ELMOD1: variants seen among roughly 807,000 people sequenced by gnomAD.
The protein encoded by ELMOD1 is ELMO domain containing 1.
ELMOD1 carries 21 observed loss-of-function variants against 46.7 expected under a neutral mutation model. The ratio of observed to expected loss-of-function variants is 0.45; its 90% CI spans 0.32 to 0.65. ELMOD1 has a LOEUF of 0.65. Ranked by LOEUF, ELMOD1 falls within the 30% of genes least tolerant of loss-of-function variation. The probability of loss-of-function intolerance (pLI) is 0.04; values close to 1 mark genes in which losing one functional copy is unlikely to be tolerated. For synonymous variants in ELMOD1, 122 were observed against 138.2 expected (o/e 0.88, Z 0.82); for missense variants, 348 against 407.8 (o/e 0.85, Z 1.26).
At chr11:107,626,439 T>C (rs970198184) in intron 2 of ELMOD1, among the ~76,000 whole-genome samples, 1 of 142,166 alleles carries the variant, frequency 7.0e-6, no homozygotes, top group African/African-American at 2.6e-5. Context: ...GTACAATGAA[T>C]CCCAAAATCC....
At chr11:107,596,191 T>A (rs559218770) in intron 1 of ELMOD1, among the ~76,000 whole-genome samples, 4 of 152,184 alleles carry the variant, frequency 2.6e-5, no homozygotes, top group African/African-American at 9.6e-5. Flanking sequence ...TATTTTTTAT[T>A]TTTTTTGTGT....
chr11:107,642,106 G>A (rs1866335308), intron 6 of ELMOD1, among the ~76,000 whole-genome samples: 1 of 151,648 alleles, frequency 6.6e-6, no homozygotes, highest in Admixed American at 6.6e-5. Flanking sequence ...ACCATGCCCG[G>A]CTAATTTTTG....
intron 5 of ELMOD1, among the ~76,000 whole-genome samples, chr11:107,631,930 G>A (rs1866148568): frequency 6.6e-6 from 1 of 152,158 alleles, no homozygotes; most frequent in African/African-American, 2.4e-5. Flanking sequence ...TGAGTGCCCC[G>A]ATAGAGAAAG....
At chr11:107,592,045 C>T (rs759902082) in intron 1 of ELMOD1, 4 of 477,098 alleles carry the variant, frequency 8.4e-6, no homozygotes, top group Admixed American at 6.4e-5. Flanking sequence ...TGACAGCTGA[C>T]GGGGCTGTTA....
chr11:107,607,084 C>G (rs993957318), intron 1 of ELMOD1, among the ~76,000 whole-genome samples: 4 of 152,072 alleles, frequency 2.6e-5, no homozygotes, highest in Admixed American at 2.0e-4. Context: ...TTTACCTCAC[C>G]CAGACAATAG....
At chr11:107,594,129 G>A (rs1249671067) in intron 1 of ELMOD1, among the ~76,000 whole-genome samples, 2 of 152,064 alleles carry the variant, frequency 1.3e-5, no homozygotes, top group Admixed American at 6.5e-5. Context: ...TGTTTATGGT[G>A]GTGGTGGAGG....
rs992274411 is a variant in ELMOD1, at chr11:107,645,273, G to T, written c.421-2195G>T. 8.6e-5 allele frequency among the ~76,000 whole-genome samples: 13 copies of T among 150,884 alleles called. No individual in the cohort carries two copies. In the East Asian group the frequency reaches 2.4e-3, roughly 28 times the overall value. Reference sequence around the variant, plus strand: ...TTTTTAAAATAAACTTTTCCCCAATGACGATCACCTGGTCTCATTTAGTCT... The same window carrying T: ...TTTTTAAAATAAACTTTTCCCCAATTACGATCACCTGGTCTCATTTAGTCT... On this transcript the variant is annotated intron_variant, in intron 6 of 11. Transcript: ENST00000265840.
intron 4 of ELMOD1, among the ~76,000 whole-genome samples, 173 bp from the exon 5 acceptor site, chr11:107,631,407 C>CCG (rs1555065964): frequency 5.9e-5 from 8 of 136,018 alleles, no homozygotes; most frequent in African/African-American, 2.0e-4. Flanking sequence ...ACCCCCCCCC[C>CCG]CATCGTGAAA....
chr11:107,611,704 C>CAAAA (rs71470853), intron 1 of ELMOD1, among the ~76,000 whole-genome samples: 2 of 55,792 alleles, frequency 3.6e-5, no homozygotes, highest in South Asian at 8.3e-4. Context: ...GACTCCATCT[C>CAAAA]AAAAAAAAAA....
intron 2 of ELMOD1, among the ~76,000 whole-genome samples, chr11:107,626,639 CCTCT>C (rs1442068539): frequency 7.0e-6 from 1 of 142,798 alleles, no homozygotes; most frequent in African/African-American, 2.8e-5. Context: ...CTTTTCTTTC[CCTCT>C]CTCTTTCTTT....
intron 2 of ELMOD1, among the ~76,000 whole-genome samples, chr11:107,628,938 G>A (rs886869465): frequency 3.3e-5 from 5 of 151,902 alleles, no homozygotes; most frequent in African/African-American, 1.2e-4. Flanking sequence ...AATGAAAAGT[G>A]GATTATCCCA....
Position 107,618,216 on chromosome 11 carries a change from T to A in ELMOD1, c.17+10T>A. The A allele has an allele frequency of 6.4e-7, 1 of 1,561,192 alleles. No homozygotes were observed. Among genetic ancestry groups the A allele is most frequent in the Non-Finnish European group, 8.7e-7 (1 of 1,151,856 alleles). On this transcript the variant is annotated intron_variant, in intron 2 of 11. Transcript: ENST00000265840. ...TGAAGCACTTCCTGAGGTATGTGTT[T>A]ACGGTTCCCTGGCTGAGCCCTCTGC...
chr11:107,591,650 G>A, intron 1 of ELMOD1: 1 of 363,116 alleles, frequency 2.8e-6, no homozygotes. Flanking sequence ...ATTAACACCC[G>A]AGAGGCTGCA....
rs113514126 is a variant in ELMOD1 at position 107,635,237 on chromosome 11, T to C, written c.291-399T>C. ...ATCCCTAAGAGCCCAGTATTACCTA[T>C]AATTTCAAGTAACCTGCATAAAGAA... On this transcript the variant is annotated intron_variant, in intron 5 of 11. Transcript: ENST00000265840. 8.6e-3 allele frequency among the ~76,000 whole-genome samples: 1,316 copies of C among 152,312 alleles called. 4 individuals carry two copies. The highest frequency in any genetic ancestry group is 0.012 in the Non-Finnish European group (823 of 68,020).
At chr11:107,636,984 G>T (rs1176628110) in intron 6 of ELMOD1, among the ~76,000 whole-genome samples, 1 of 152,216 alleles carries the variant, frequency 6.6e-6, no homozygotes, top group African/African-American at 2.4e-5. Flanking sequence ...TAGAATAGCT[G>T]AGGTTCCCTC....
intron 1 of ELMOD1, among the ~76,000 whole-genome samples, chr11:107,616,380 T>C (rs985645837): frequency 6.6e-6 from 1 of 151,784 alleles, no homozygotes; most frequent in Non-Finnish European, 1.5e-5. Context: ...TAGGGAGGTT[T>C]TTGTTTGGTT....
chr11:107,604,466 T>C (rs1865654618), intron 1 of ELMOD1, among the ~76,000 whole-genome samples: 2 of 152,216 alleles, frequency 1.3e-5, no homozygotes, highest in Admixed American at 1.3e-4. Context: ...GATAAATTCT[T>C]ATGCAGAAGC....
intron 6 of ELMOD1, among the ~76,000 whole-genome samples, chr11:107,645,666 T>C (rs1027914976): frequency 2.0e-5 from 3 of 152,226 alleles, no homozygotes; most frequent in Non-Finnish European, 4.4e-5. Context: ...CACATTCTTA[T>C]ATGAATTCTT....
chr11:107,605,123 C>CA (rs1377829333), intron 1 of ELMOD1, among the ~76,000 whole-genome samples: 1 of 148,606 alleles, frequency 6.7e-6, no homozygotes, highest in Admixed American at 6.7e-5. Flanking sequence ...ATTTTGGGGG[C>CA]AAAACAGATA....
Sources: allele counts gnomAD v4.1 joint callset (sites outside exome capture counted in the v4.1 genomes callset), GRCh38; gene constraint gnomAD v4.1.1; transcripts MANE v1.5; gene names NCBI Gene and HGNC (gene_info 2026-07-23, HGNC 2026-07-21).